The following NCK1 variants were observed in gnomAD, a reference collection of about 807,000 sequenced individuals.
The protein encoded by NCK1 is SH2/SH3 adapter protein NCK1.
NCK1 carries 19 observed loss-of-function variants against 36.6 expected under a neutral mutation model. The ratio of observed to expected loss-of-function variants is 0.52; its 90% CI spans 0.36 to 0.76. The LOEUF (loss-of-function observed/expected upper bound fraction) is 0.76. NCK1 is among the 30% of genes least tolerant of loss of function. The probability of loss-of-function intolerance (pLI) is 0.00; values close to 1 mark genes in which losing one functional copy is unlikely to be tolerated. For missense variants in NCK1, 358 were observed against 445.6 expected, an observed-to-expected ratio of 0.80 and a Z score of 1.77; for synonymous variants, 165 against 156.0, an observed-to-expected ratio of 1.06 and a Z score of -0.43.
intron 2 of NCK1, among the ~76,000 whole-genome samples, chr3:136,930,086 T>C (rs768900211): frequency 2.0e-5 from 3 of 152,188 alleles, no homozygotes; most frequent in Non-Finnish European, 4.4e-5. Flanking sequence ...TAAAGAGATA[T>C]AAGTCCAGCT....
At chr3:136,936,952 T>C (rs1940546775) in intron 2 of NCK1, among the ~76,000 whole-genome samples, 1 of 152,246 alleles carries the variant, frequency 6.6e-6, no homozygotes, top group African/African-American at 2.4e-5. Context: ...TAGTGTGTTA[T>C]ACACAAATGT....
rs1157232105 is a variant in NCK1, at chr3:136,950,520, T to G, written c.*2067T>G. On this transcript the variant is annotated 3_prime_UTR_variant, in exon 4 of 4. Transcript: ENST00000481752. The stretch of plus-strand genomic sequence containing the variant: ...AAAACCTCGCTGGAAGCTACTTATT[T>G]TGTACTTAAATATTTTACCAATTTT... 6.6e-6 allele frequency among the ~76,000 whole-genome samples: 1 copy of G among 152,180 alleles called. No individual in the cohort carries two copies.
At chr3:136,864,661 C>A (rs574582417) in intron 1 of NCK1, among the ~76,000 whole-genome samples, 2 of 151,918 alleles carry the variant, frequency 1.3e-5, no homozygotes, top group African/African-American at 4.8e-5. Flanking sequence ...GTAGTGATAC[C>A]CTGTCTCTAA....
intron 1 of NCK1, among the ~76,000 whole-genome samples, chr3:136,879,348 C>T (rs544330717): frequency 2.9e-4 from 44 of 152,114 alleles, no homozygotes; most frequent in African/African-American, 9.6e-4. Flanking sequence ...AATCAAGGAA[C>T]GTGATTTTGC....
At chr3:136,938,844 A>G (rs1295480688) in intron 2 of NCK1, among the ~76,000 whole-genome samples, 3 of 152,238 alleles carry the variant, frequency 2.0e-5, no homozygotes, top group Non-Finnish European at 4.4e-5. Context: ...TTGCTAATTC[A>G]GTATTTATGG....
At chr3:136,936,038 C>CTT (rs35254283) in intron 2 of NCK1, among the ~76,000 whole-genome samples, 8 of 128,232 alleles carry the variant, frequency 6.2e-5, no homozygotes, top group Non-Finnish European at 8.2e-5. Context: ...GTCTAAATAA[C>CTT]TTTTTTTTTT....
intron 1 of NCK1, among the ~76,000 whole-genome samples, chr3:136,922,648 CT>C (rs765827604): frequency 2.0e-5 from 3 of 152,270 alleles, no homozygotes; most frequent in African/African-American, 2.4e-5. Flanking sequence ...TATTTCTCCC[CT>C]ATTAGATTGG....
intron 1 of NCK1, among the ~76,000 whole-genome samples, chr3:136,874,062 A>G (rs1560031271): frequency 6.6e-6 from 1 of 151,936 alleles, no homozygotes; most frequent in African/African-American, 2.4e-5. Context: ...TTTCAGTGAT[A>G]GTAGTATTCC....
chr3:136,921,135 T>C (rs1940097218), intron 1 of NCK1, among the ~76,000 whole-genome samples: 1 of 152,184 alleles, frequency 6.6e-6, no homozygotes, highest in South Asian at 2.1e-4. Flanking sequence ...TACATTCACA[T>C]TGTTGTACAA....
intron 1 of NCK1, among the ~76,000 whole-genome samples, chr3:136,898,555 C>T (rs1939451687): frequency 6.6e-6 from 1 of 152,144 alleles, no homozygotes; most frequent in Non-Finnish European, 1.5e-5. Context: ...AATACAGCAA[C>T]CATTTTAGTG....
At chr3:136,908,900 T>C (rs1205630828) in intron 1 of NCK1, among the ~76,000 whole-genome samples, 1 of 152,206 alleles carries the variant, frequency 6.6e-6, no homozygotes, top group Non-Finnish European at 1.5e-5. Flanking sequence ...GGAAAGTTGA[T>C]GCAGTGGTGT....
At chr3:136,931,502 G>A (rs924287271) in intron 2 of NCK1, among the ~76,000 whole-genome samples, 3 of 152,150 alleles carry the variant, frequency 2.0e-5, no homozygotes, top group African/African-American at 7.2e-5. Flanking sequence ...TAGCTTTAGT[G>A]ACTCCCTCTG....
intron 1 of NCK1, among the ~76,000 whole-genome samples, chr3:136,886,611 C>G (rs913115994): frequency 6.6e-6 from 1 of 151,978 alleles, no homozygotes; most frequent in Non-Finnish European, 1.5e-5. Flanking sequence ...ATACAGAGGG[C>G]CAACTGTACT....
intron 1 of NCK1, among the ~76,000 whole-genome samples, chr3:136,901,433 G>C (rs887991994): frequency 6.6e-6 from 1 of 151,690 alleles, no homozygotes; most frequent in Non-Finnish European, 1.5e-5. Flanking sequence ...TGGCCTTGTA[G>C]AATGAGTTGG....
At chr3:136,874,847 A>T (rs1159357462) in intron 1 of NCK1, among the ~76,000 whole-genome samples, 2 of 152,064 alleles carry the variant, frequency 1.3e-5, no homozygotes, top group Non-Finnish European at 2.9e-5. Flanking sequence ...TTGGCTAAGG[A>T]TTCTAGGTTG....
intron 1 of NCK1, among the ~76,000 whole-genome samples, chr3:136,889,538 C>G (rs1195095843): frequency 1.3e-5 from 2 of 151,996 alleles, no homozygotes; most frequent in Non-Finnish European, 2.9e-5. Flanking sequence ...TGGAAGGGGA[C>G]CCGAGCGGGT....
intron 1 of NCK1, among the ~76,000 whole-genome samples, chr3:136,918,231 A>T (rs541635904): frequency 6.6e-6 from 1 of 152,120 alleles, no homozygotes. Flanking sequence ...TAATATATAC[A>T]TATTATCTCT....
chr3:136,872,673 G>A (rs72989160), intron 1 of NCK1, among the ~76,000 whole-genome samples: 2,906 of 152,270 alleles, frequency 0.019, 70 homozygotes, highest in African/African-American at 0.066. Context: ...AAGCCTTGGA[G>A]GAAAAAGTGG....
chr3:136,920,872 G>A (rs1940091552), intron 1 of NCK1, among the ~76,000 whole-genome samples: 1 of 152,070 alleles, frequency 6.6e-6, no homozygotes, highest in Non-Finnish European at 1.5e-5. Flanking sequence ...AAACATAAAT[G>A]GCCTTATAGT....
Sources: allele counts gnomAD v4.1 joint callset (sites outside exome capture counted in the v4.1 genomes callset), GRCh38; gene constraint gnomAD v4.1.1; transcripts MANE v1.5; gene names NCBI Gene and HGNC (gene_info 2026-07-23, HGNC 2026-07-21).